BCL2: variants seen among roughly 807,000 people sequenced by gnomAD.
The protein encoded by BCL2 is BCL2 apoptosis regulator.
A neutral mutation model predicts 14.2 loss-of-function variants in BCL2; 1 was observed. That is an observed-to-expected ratio of 0.07 (90% CI 0.02 to 0.33). The LOEUF is 0.33. Ranked by LOEUF, BCL2 falls within the 10% of genes least tolerant of loss-of-function variation. The pLI, the probability that BCL2 is intolerant of heterozygous loss-of-function variation, is 0.99. For missense variants in BCL2, 247 were observed against 305.9 expected, an observed-to-expected ratio of 0.81 and a Z score of 1.44; for synonymous variants, 151 against 137.2, an observed-to-expected ratio of 1.10 and a Z score of -0.70.
chr18:63,209,826 G>A (rs974689752), intron 2 of BCL2, among the ~76,000 whole-genome samples: 3 of 152,180 alleles, frequency 2.0e-5, no homozygotes, highest in African/African-American at 7.2e-5. Flanking sequence ...ATGTTGGACA[G>A]AGATGACTGG....
intron 2 of BCL2, among the ~76,000 whole-genome samples, chr18:63,181,232 A>G (rs938701300): frequency 2.0e-5 from 3 of 152,200 alleles, no homozygotes; most frequent in African/African-American, 7.2e-5. Flanking sequence ...TGAAAGGTGG[A>G]ACCTAGCCAA....
chr18:63,254,380 T>G, intron 2 of BCL2, among the ~76,000 whole-genome samples: 2 of 25,272 alleles, frequency 7.9e-5, no homozygotes, highest in Admixed American at 6.6e-4. Flanking sequence ...ACCCTGTCTT[T>G]GCTAAAAAAA....
chr18:63,123,986 G>A lies in BCL2; in HGVS notation c.*4639C>T. ...CCATCTTCTGTGCTCAGCTTGGTAT[G>A]CAGAACAACCTTGTTGTTGATAGGA... On this transcript the variant is annotated 3_prime_UTR_variant, in exon 3 of 3. Coordinates refer to ENST00000333681, the MANE Select transcript of BCL2 (RefSeq NM_000633.3). 4.5e-6 allele frequency: 1 copy of A among 221,790 alleles called. No individual in the cohort carries two copies. Among genetic ancestry groups the A allele is most frequent in the African/African-American group, 2.2e-5 (1 of 44,730 alleles). 13.7% of individuals were successfully genotyped at this position (221,790 alleles called of 1,614,324 possible).
At chr18:63,310,935 T>C (rs1019363736) in intron 2 of BCL2, among the ~76,000 whole-genome samples, 1 of 152,176 alleles carries the variant, frequency 6.6e-6, no homozygotes, top group African/African-American at 2.4e-5. Flanking sequence ...TTTTTAAAGA[T>C]GCTGGCAGGA....
chr18:63,140,640 T>C (rs1455379139), intron 2 of BCL2, among the ~76,000 whole-genome samples: 1 of 152,124 alleles, frequency 6.6e-6, no homozygotes, highest in Non-Finnish European at 1.5e-5. Context: ...TCCCAGGAGA[T>C]GGGGAGACGG....
At chr18:63,138,734 G>GT in intron 2 of BCL2, among the ~76,000 whole-genome samples, 1 of 152,224 alleles carries the variant, frequency 6.6e-6, no homozygotes, top group East Asian at 1.9e-4. Flanking sequence ...TCATTTGGAT[G>GT]TAACAAGAAA....
intron 2 of BCL2, among the ~76,000 whole-genome samples, chr18:63,291,137 T>C (rs1439403721): frequency 1.3e-5 from 2 of 152,228 alleles, no homozygotes; most frequent in African/African-American, 4.8e-5. Flanking sequence ...CCTTTTCCTG[T>C]GGCCTAATTT....
At chr18:63,210,055 G>A (rs1022393788) in intron 2 of BCL2, among the ~76,000 whole-genome samples, 1 of 152,220 alleles carries the variant, frequency 6.6e-6, no homozygotes, top group African/African-American at 2.4e-5. Context: ...ACAGTTGGGA[G>A]TGAAGCTGTG....
At chr18:63,165,189 A>G (rs1297283660) in intron 2 of BCL2, among the ~76,000 whole-genome samples, 4 of 152,204 alleles carry the variant, frequency 2.6e-5, no homozygotes, top group Non-Finnish European at 5.9e-5. Flanking sequence ...GCAAGGCTCT[A>G]AGGATACCAA....
intron 2 of BCL2, among the ~76,000 whole-genome samples, chr18:63,222,963 A>G (rs1910442075): frequency 6.6e-6 from 1 of 152,248 alleles, no homozygotes; most frequent in African/African-American, 2.4e-5. Context: ...ATGGAGAAGC[A>G]GTGATAGAAT....
chr18:63,247,209 T>C (rs970014344), intron 2 of BCL2, among the ~76,000 whole-genome samples: 6 of 152,048 alleles, frequency 3.9e-5, no homozygotes, highest in Non-Finnish European at 8.8e-5. Flanking sequence ...GATTTTTTTT[T>C]TTTTTTTGAG....
chr18:63,229,968 G>A (rs1200984449), intron 2 of BCL2, among the ~76,000 whole-genome samples: 1 of 152,008 alleles, frequency 6.6e-6, no homozygotes, highest in Non-Finnish European at 1.5e-5. Context: ...CTATGAAATT[G>A]ACAGCTCAAG....
At chr18:63,203,744 A>C (rs533357933) in intron 2 of BCL2, among the ~76,000 whole-genome samples, 166 of 152,268 alleles carry the variant, frequency 1.1e-3, no homozygotes, top group African/African-American at 3.9e-3. Context: ...CAACTCATAG[A>C]ATTGTTCTGA....
chr18:63,296,570 C>T (rs531270666), intron 2 of BCL2, among the ~76,000 whole-genome samples: 22 of 152,268 alleles, frequency 1.4e-4, no homozygotes, highest in Admixed American at 8.5e-4. Flanking sequence ...TCCCACAGTG[C>T]GGGGATTACA....
At chr18:63,157,549 G>A (rs556074791) in intron 2 of BCL2, among the ~76,000 whole-genome samples, 3 of 152,202 alleles carry the variant, frequency 2.0e-5, no homozygotes, top group Non-Finnish European at 4.4e-5. Flanking sequence ...TGTTTTCAGC[G>A]TTAACCTTAA....
chr18:63,293,696 T>A (rs1248930588), intron 2 of BCL2, among the ~76,000 whole-genome samples: 1 of 152,176 alleles, frequency 6.6e-6, no homozygotes, highest in African/African-American at 2.4e-5. Flanking sequence ...TATAGAAATA[T>A]CATAACCAGT....
At chr18:63,277,841 A>G (rs2144250050) in intron 2 of BCL2, among the ~76,000 whole-genome samples, 1 of 152,166 alleles carries the variant, frequency 6.6e-6, no homozygotes, top group African/African-American at 2.4e-5. Flanking sequence ...AAATAACTAT[A>G]TTTTCAGGAC....
Position 63,198,762 on chromosome 18 carries a change from GAC to G in BCL2, c.586-70005_586-70004del, listed in dbSNP as rs1242344296. ...ACAGGGACACACACAGACACACACT[GAC>G]ACAGAGACACACAGACACAGAGACA... On this transcript the variant is annotated intron_variant, in intron 2 of 2. Transcript: ENST00000333681. Among the ~76,000 whole-genome samples, 4 of 90,616 alleles carry G rather than the reference GAC, an allele frequency of 4.4e-5. No homozygotes were observed. The Admixed American group carries it at 4.9e-4, about 11-fold the overall frequency. The allele number at this position is 90,616 out of a possible 152,430, so 59.4% of individuals were successfully genotyped here.
At chr18:63,181,342 G>C (rs749471074) in intron 2 of BCL2, among the ~76,000 whole-genome samples, 1 of 152,152 alleles carries the variant, frequency 6.6e-6, no homozygotes, top group Non-Finnish European at 1.5e-5. Flanking sequence ...AGAGCAACTA[G>C]GAGGTGCAAA....
Sources: gnomAD v4.1 joint callset for allele counts (sites outside exome capture counted in the v4.1 genomes callset) on GRCh38, gnomAD v4.1.1 for gene constraint, MANE v1.5 for transcripts, NCBI Gene and HGNC (gene_info 2026-07-23, HGNC 2026-07-21) for gene names.